Variants in SLC25A18 observed in about 807,000 individuals in gnomAD.
The protein encoded by SLC25A18 is mitochondrial glutamate carrier 2.
In SLC25A18, 24 loss-of-function variants were observed where a neutral mutation model predicts 31.1. The ratio of observed to expected loss-of-function variants is 0.77; its 90% CI spans 0.56 to 1.08. The LOEUF (loss-of-function observed/expected upper bound fraction) is 1.08. Among genes scored for constraint, SLC25A18 ranks in the 50% least tolerant of loss-of-function variants. The pLI is 0.00. For synonymous variants in SLC25A18, 173 were observed against 161.9 expected (o/e 1.07, Z -0.52); for missense variants, 371 against 418.5 (o/e 0.89, Z 0.99).
At chr22:17,572,270 G>A (rs947950525) in intron 2 of SLC25A18, among the ~76,000 whole-genome samples, 1 of 152,070 alleles carries the variant, frequency 6.6e-6, no homozygotes. Context: ...GATCACCTGA[G>A]ATCGGGAGTT....
At chr22:17,580,119 G>A (rs543222736) in intron 3 of SLC25A18, 155 bp downstream of exon 3, 1 of 620,350 alleles carries the variant, frequency 1.6e-6, no homozygotes, top group East Asian at 2.9e-5. Flanking sequence ...CATCTACTGT[G>A]GCAAATACGT....
chr22:17,582,390 T>A, intron 5 of SLC25A18, 173 bp from the exon 6 acceptor site: 1 of 486,986 alleles, frequency 2.1e-6, no homozygotes, highest in Non-Finnish European at 3.6e-6. Context: ...AAAAGGAGAA[T>A]GTGGTAGGGA....
chr22:17,565,137 T>C (rs546295376), intron 1 of SLC25A18, among the ~76,000 whole-genome samples: 1 of 152,194 alleles, frequency 6.6e-6, no homozygotes, highest in African/African-American at 2.4e-5. Context: ...TGGAGTACAG[T>C]GGCACAATCT....
At chr22:17,569,645 C>T (rs1221710588) in intron 1 of SLC25A18, 19 of 985,346 alleles carry the variant, frequency 1.9e-5, no homozygotes, top group Non-Finnish European at 2.2e-5. Context: ...CCCAAGCTGC[C>T]TTGTTAAAAT....
At chr22:17,575,778 TC>T (rs2057215629) in intron 2 of SLC25A18, among the ~76,000 whole-genome samples, 1 of 152,204 alleles carries the variant, frequency 6.6e-6, no homozygotes, top group Non-Finnish European at 1.5e-5. Flanking sequence ...ACATGCTATT[TC>T]CCGTGTATCA....
chr22:17,574,324 A>T (rs2057171332), intron 2 of SLC25A18, among the ~76,000 whole-genome samples: 1 of 152,154 alleles, frequency 6.6e-6, no homozygotes, highest in Non-Finnish European at 1.5e-5. Context: ...CCAATCAAAA[A>T]GAAAACAAAA....
rs1400721388 is a variant in SLC25A18 at position 17,568,693 on chromosome 22, C to T, written c.-263-1231C>T. On this transcript the variant is annotated intron_variant, in intron 1 of 10. Transcript: ENST00000327451. ...TCTCCTGCCTCAGCCTCCCGAGTAG[C>T]TGGGACTACACGCGCCTGCCACCAC... Among the ~76,000 whole-genome samples, 3 of 146,462 alleles carry T rather than the reference C, an allele frequency of 2.0e-5. No individual in the cohort carries two copies. In the East Asian group the frequency reaches 6.6e-4, roughly 32 times the overall value.
Position 17,581,413 on chromosome 22 carries a change from G to A in SLC25A18, c.199G>A (p.Gly67Arg), listed in dbSNP as rs969389034. Residue 67 changes from glycine (G) to arginine (R), a missense_variant and splice_region_variant, in exon 5 of 11, where the codon GGG (glycine) becomes AGG (arginine). Transcript: ENST00000327451. ...RAEGFFGMYR[G>R]AAVNLTLVTP... is the part of the protein sequence containing the mutation. ...GGAGGGCTTCTTCGGCATGTACCGAGGTGGGCTTCTCAGGTCCCCTGGGAG... is the reference window on the plus strand; with the variant it reads ...GGAGGGCTTCTTCGGCATGTACCGAAGTGGGCTTCTCAGGTCCCCTGGGAG... 5.6e-6 allele frequency: 9 copies of A among 1,614,066 alleles called. No individual in the cohort carries two copies. The highest frequency in any genetic ancestry group is 6.8e-6 in the Non-Finnish European group (8 of 1,180,006).
At chr22:17,573,112 A>C (rs917443577) in intron 2 of SLC25A18, among the ~76,000 whole-genome samples, 3 of 152,124 alleles carry the variant, frequency 2.0e-5, no homozygotes, top group Non-Finnish European at 4.4e-5. Context: ...GACCTTTTAC[A>C]GTTTTCTGTA....
In SLC25A18 at chr22:17,581,044, G is replaced by C; in HGVS notation, c.28G>C (p.Ala10Pro). The change falls in exon 4 of 11, where the codon GCC (alanine) becomes CCC (proline). Residue 10 changes from alanine (A) to proline (P), a missense_variant. By Grantham distance (27) the Ala-to-Pro change is conservative. Transcript: ENST00000327451. ...GTCCTCCCCCTGTCCTAGCATCACA[G>C]CCAAACTCATCAATGGAGGTGTAGC... is the stretch of plus-strand genomic sequence containing the variant. MTHQDLSIT[A>P]KLINGGVAGL... The C allele has an allele frequency of 6.4e-7, 1 of 1,552,182 alleles. No homozygotes were observed. The highest frequency in any genetic ancestry group is 8.7e-7 in the Non-Finnish European group (1 of 1,146,882).
At chr22:17,583,278 C>A (rs2057430726) in intron 6 of SLC25A18, 138 bp from the exon 7 acceptor site, 3 of 1,018,884 alleles carry the variant, frequency 2.9e-6, no homozygotes. Context: ...CACCTAAGGG[C>A]TAGCTGATGA....
chr22:17,564,772 A>G (rs1361161782), intron 1 of SLC25A18, among the ~76,000 whole-genome samples: 10 of 146,024 alleles, frequency 6.8e-5, no homozygotes, highest in Non-Finnish European at 1.5e-4. Context: ...CAGGAAACTC[A>G]CTTGAACCTG....
chr22:17,577,238 G>A (rs1358039785), intron 2 of SLC25A18, among the ~76,000 whole-genome samples: 1 of 152,080 alleles, frequency 6.6e-6, no homozygotes, highest in East Asian at 1.9e-4. Flanking sequence ...TAGCCAGGAT[G>A]GTCTCGATCT....
rs1027070819 is a variant in SLC25A18 at position 17,590,891 on chromosome 22, T to A, written c.*655T>A. 1.3e-5 allele frequency: 2 copies of A among 152,338 alleles called. No homozygotes were observed. The highest frequency in any genetic ancestry group is 1.3e-4 in the Admixed American group (2 of 15,296). 9.4% of individuals were successfully genotyped at this position (152,338 alleles called of 1,614,324 possible). The stretch of plus-strand genomic sequence containing the variant: ...ATAAAGGTGAATGGCTAAAATCTCA[T>A]CTGTTCATCAGTGGGTACAGCAGAT... On this transcript the variant is annotated 3_prime_UTR_variant, in exon 11 of 11. Coordinates refer to ENST00000327451, the MANE Select transcript of SLC25A18 (RefSeq NM_031481.3).
chr22:17,569,586 T>A (rs2057034624), intron 1 of SLC25A18: 1 of 984,514 alleles, frequency 1.0e-6, no homozygotes, highest in Non-Finnish European at 1.2e-6. Flanking sequence ...GTGTTTGTCC[T>A]CCTCCCTGGC....
At chr22:17,587,760 C>T (rs2057593553) in intron 8 of SLC25A18, 165 bp from the exon 9 acceptor site, 2 of 764,654 alleles carry the variant, frequency 2.6e-6, no homozygotes, top group African/African-American at 1.7e-5. Flanking sequence ...GCTCTTTTGT[C>T]CCCTGCTGTC....
intron 7 of SLC25A18, among the ~76,000 whole-genome samples, chr22:17,586,186 C>T (rs758276832): frequency 6.6e-6 from 1 of 152,164 alleles, no homozygotes; most frequent in Non-Finnish European, 1.5e-5. Context: ...TATGTTCTGC[C>T]TAATGGTGGA....
At position 17,588,044 on chromosome 22, in the gene SLC25A18, G is replaced by T. The variant is rs891199268; in HGVS notation, c.695G>T (p.Gly232Val). Residue 232 changes from glycine to valine, a missense_variant, in exon 9 of 11, where the codon GGT becomes GTT. Physicochemically the swap from Gly to Val is moderately radical, Grantham distance 109. Coordinates refer to ENST00000327451, the MANE Select transcript of SLC25A18 (RefSeq NM_031481.3). ...TCCTTCGTGTCAGGCTGTGTGGCAG[G>T]TTCCATAGCTGCGGTCGCAGTGACG... is the stretch of plus-strand genomic sequence containing the variant. ...AHSFVSGCVA[G>V]SIAAVAVTPL... 4.3e-6 allele frequency: 7 copies of T among 1,614,122 alleles called. No individual in the cohort carries two copies. Among genetic ancestry groups the T allele is most frequent in the South Asian group, 2.2e-5 (2 of 90,998 alleles).
chr22:17,574,195 C>T (rs1388960560), intron 2 of SLC25A18, among the ~76,000 whole-genome samples: 3 of 152,196 alleles, frequency 2.0e-5, no homozygotes, highest in South Asian at 2.1e-4. Context: ...GATTGCGCCA[C>T]GGCGCTCCAC....
Sources: allele counts gnomAD v4.1 joint callset (sites outside exome capture counted in the v4.1 genomes callset), GRCh38; gene constraint gnomAD v4.1.1; transcripts MANE v1.5; gene names NCBI Gene and HGNC (gene_info 2026-07-23, HGNC 2026-07-21).